DGKB: variants seen among roughly 807,000 people sequenced by gnomAD.
DGKB encodes 90 kDa diacylglycerol kinase.
In DGKB, 67 loss-of-function variants were observed where a neutral mutation model predicts 114.3. That is an observed-to-expected ratio of 0.59 (90% CI 0.48 to 0.72). DGKB has a LOEUF of 0.72. Ranked by LOEUF, DGKB falls within the 30% of genes least tolerant of loss-of-function variation. The pLI is 0.00. For synonymous variants in DGKB, 398 were observed against 323.1 expected (o/e 1.23, Z -2.49); for missense variants, 907 against 975.2 (o/e 0.93, Z 0.93).
chr7:14,868,835 C>T (rs1852056290), intron 1 of DGKB, among the ~76,000 whole-genome samples: 1 of 152,034 alleles, frequency 6.6e-6, no homozygotes, highest in African/African-American at 2.4e-5. Context: ...CAGAATCTAG[C>T]AGATTCTGTT....
intron 3 of DGKB, among the ~76,000 whole-genome samples, chr7:14,754,455 G>A (rs1525090): frequency 0.36 from 54,097 of 151,764 alleles, 13,337 homozygotes; most frequent in African/African-American, 0.69. Flanking sequence ...TTAGCGTCAC[G>A]CCTAGCATCT....
intron 2 of DGKB, among the ~76,000 whole-genome samples, chr7:14,769,126 AG>A (rs1562487722): frequency 1.0e-3 from 90 of 86,134 alleles, no homozygotes; most frequent in African/African-American, 7.5e-3. Context: ...AGAAAGAAAG[AG>A]AGAGAGAGAA....
chr7:14,646,208 A>T (rs1812967693), intron 13 of DGKB, among the ~76,000 whole-genome samples: 1 of 152,220 alleles, frequency 6.6e-6, no homozygotes, highest in Non-Finnish European at 1.5e-5. Flanking sequence ...AACGAAAAGT[A>T]GGCAGGATTA....
chr7:14,709,167 A>T (rs1826870854), intron 6 of DGKB, among the ~76,000 whole-genome samples: 5 of 152,208 alleles, frequency 3.3e-5, no homozygotes, highest in Admixed American at 3.3e-4. Flanking sequence ...ACATGAACAG[A>T]CACTTCTCAA....
chr7:14,202,838 G>A (rs1020028646), intron 23 of DGKB, among the ~76,000 whole-genome samples: 3 of 151,798 alleles, frequency 2.0e-5, no homozygotes, highest in African/African-American at 4.8e-5. Context: ...CTATTAAATG[G>A]TGATTTATTT....
intron 1 of DGKB, among the ~76,000 whole-genome samples, chr7:14,957,077 T>C (rs1315564255): frequency 1.3e-5 from 2 of 151,970 alleles, no homozygotes; most frequent in Non-Finnish European, 2.9e-5. Flanking sequence ...AGCTTTCTAG[T>C]TTCATGGTTG....
chr7:14,813,557 C>A (rs1025078998), intron 2 of DGKB, among the ~76,000 whole-genome samples: 1 of 152,108 alleles, frequency 6.6e-6, no homozygotes. Context: ...TTTGCTTCAC[C>A]TTGTATTACC....
At chr7:14,301,253 C>T (rs9918704) in intron 23 of DGKB, among the ~76,000 whole-genome samples, 3,572 of 152,096 alleles carry the variant, frequency 0.023, 119 homozygotes, top group African/African-American at 0.081. Context: ...AGAAGAAAAT[C>T]TCATTTGACT....
intron 16 of DGKB, among the ~76,000 whole-genome samples, chr7:14,607,849 A>T (rs2128781781): frequency 7.1e-6 from 1 of 140,608 alleles, no homozygotes; most frequent in African/African-American, 2.7e-5. Flanking sequence ...GTATTTTTTT[A>T]ATATTTCAGT....
At chr7:14,159,706 G>A (rs144797879) in intron 25 of DGKB, among the ~76,000 whole-genome samples, 187 of 152,240 alleles carry the variant, frequency 1.2e-3, no homozygotes, top group African/African-American at 4.5e-3. Context: ...TCTTGCTCTT[G>A]CCACCCAGGA....
At chr7:14,418,217 ATTATATATGTACATATATT>A (rs1826016884) in intron 21 of DGKB, among the ~76,000 whole-genome samples, 1 of 19,324 alleles carries the variant, frequency 5.2e-5, no homozygotes, top group Admixed American at 4.1e-4. Flanking sequence ...AAATGTATAT[ATTATATATGTACATATATT>A]TTATATATGT....
At chr7:14,204,424 G>A (rs1441702044) in intron 23 of DGKB, among the ~76,000 whole-genome samples, 1 of 151,924 alleles carries the variant, frequency 6.6e-6, no homozygotes, top group Non-Finnish European at 1.5e-5. Context: ...TGTCTATGTG[G>A]GTTAATCTGA....
chr7:14,860,078 A>G (rs1161307740), intron 1 of DGKB, among the ~76,000 whole-genome samples: 1 of 152,124 alleles, frequency 6.6e-6, no homozygotes, highest in Non-Finnish European at 1.5e-5. Context: ...CACTGAAATA[A>G]TGGAAAAAGC....
chr7:14,714,441 G>A (rs1827866154), intron 6 of DGKB, among the ~76,000 whole-genome samples: 1 of 152,002 alleles, frequency 6.6e-6, no homozygotes, highest in Admixed American at 6.6e-5. Flanking sequence ...GCCAAGTTAA[G>A]GGTTTCAATT....
intron 21 of DGKB, among the ~76,000 whole-genome samples, chr7:14,435,517 T>A (rs1478759339): frequency 6.6e-6 from 1 of 152,098 alleles, no homozygotes; most frequent in Non-Finnish European, 1.5e-5. Context: ...TAGTAAATGA[T>A]CATAAAGTAC....
intron 17 of DGKB, among the ~76,000 whole-genome samples, chr7:14,588,866 CT>C (rs1262133026): frequency 6.6e-6 from 1 of 151,942 alleles, no homozygotes; most frequent in African/African-American, 2.4e-5. Flanking sequence ...ATTATTTCTT[CT>C]TTTTTTCATG....
chr7:14,280,305 A>G (rs1799742486), intron 23 of DGKB, among the ~76,000 whole-genome samples: 1 of 152,102 alleles, frequency 6.6e-6, no homozygotes, highest in South Asian at 2.1e-4. Flanking sequence ...AGGAAAGTTT[A>G]GAGAGAAAAG....
intron 20 of DGKB, among the ~76,000 whole-genome samples, chr7:14,501,356 G>A (rs2128955088): frequency 7.1e-6 from 1 of 141,676 alleles, no homozygotes; most frequent in East Asian, 2.2e-4. Context: ...GGAGGTATAT[G>A]GTTATGGCTT....
intron 23 of DGKB, among the ~76,000 whole-genome samples, chr7:14,224,437 G>A (rs1373847748): frequency 6.6e-6 from 1 of 151,846 alleles, no homozygotes; most frequent in African/African-American, 2.4e-5. Context: ...TTACTTCTGT[G>A]TACTTATAAT....
Sources: gnomAD v4.1 joint callset for allele counts (sites outside exome capture counted in the v4.1 genomes callset) on GRCh38, gnomAD v4.1.1 for gene constraint, MANE v1.5 for transcripts, NCBI Gene and HGNC (gene_info 2026-07-23, HGNC 2026-07-21) for gene names.